Variants in BRCA1 observed in about 807,000 individuals in gnomAD.
BRCA1 encodes breast cancer type 1 susceptibility protein.
In BRCA1, 140 loss-of-function variants were observed where a neutral mutation model predicts 173.7. That is an observed-to-expected ratio of 0.81 (90% CI 0.70 to 0.93). The LOEUF is 0.93. BRCA1 is among the 40% of genes least tolerant of loss of function. The probability of loss-of-function intolerance (pLI) is 0.00; values close to 1 mark genes in which losing one functional copy is unlikely to be tolerated. For synonymous variants in BRCA1, 662 were observed against 756.0 expected (o/e 0.88, Z 2.04); for missense variants, 1,983 against 2,172.5 (o/e 0.91, Z 1.73).
chr17:43,054,040 G>A (rs777209959), intron 19 of BRCA1, among the ~76,000 whole-genome samples: 192 of 151,910 alleles, frequency 1.3e-3, no homozygotes, highest in Non-Finnish European at 2.5e-3. Context: ...AAAATACTAT[G>A]GTGACATTTA....
chr17:43,152,599 A>C (rs2056169213), intron 1 of BRCA1, among the ~76,000 whole-genome samples: 1 of 151,406 alleles, frequency 6.6e-6, no homozygotes, highest in African/African-American at 2.4e-5. Flanking sequence ...TCACACCTGT[A>C]ATCCCAGCAC....
intron 2 of BRCA1, among the ~76,000 whole-genome samples, chr17:43,123,363 T>G (rs965767611): frequency 2.0e-5 from 3 of 147,714 alleles, no homozygotes; most frequent in East Asian, 2.0e-4. Context: ...TTTTTTTTTT[T>G]TTTTTTTTTT....
At chr17:43,132,763 T>G (rs1226471598) in intron 1 of BRCA1, 1 of 151,108 alleles carries the variant, frequency 6.6e-6, no homozygotes, top group Non-Finnish European at 1.5e-5. Flanking sequence ...TTTCTTTATT[T>G]TATTTTATTT....
intron 20 of BRCA1, among the ~76,000 whole-genome samples, chr17:43,050,716 A>C (rs2051173500): frequency 6.6e-6 from 1 of 151,318 alleles, no homozygotes. Flanking sequence ...GTAAATTAAG[A>C]TGGTTTAGGA....
rs369394098 is a variant in BRCA1, at chr17:43,094,236, A to G, written c.1295T>C (p.Leu432Pro). 1.2e-6 allele frequency: 2 copies of G among 1,614,136 alleles called. No homozygotes were observed. Among genetic ancestry groups the G allele is most frequent in the East Asian group, 4.5e-5 (2 of 44,882 alleles). The change falls in exon 10 of 23, where the codon CTG becomes CCG. Residue 432 changes from leucine (L) to proline (P), a missense_variant. Leu to Pro is a moderately conservative substitution (Grantham distance 98, BLOSUM62 -3). Transcript: ENST00000357654. ...YSGSSEKIDL[L>P]ASDPHEALIC... is the part of the protein sequence containing the mutation. Reference sequence around the variant, plus strand: ...TAAAGCCTCATGAGGATCACTGGCCAGTAAGTCTATTTTCTCTGAAGAACC... The same window carrying G: ...TAAAGCCTCATGAGGATCACTGGCCGGTAAGTCTATTTTCTCTGAAGAACC...
intron 2 of BRCA1, among the ~76,000 whole-genome samples, chr17:43,117,663 G>A (rs1159046954): frequency 2.0e-5 from 3 of 152,158 alleles, no homozygotes; most frequent in South Asian, 2.1e-4. Flanking sequence ...CGCTTGAACC[G>A]GGGAAGTGCA....
At chr17:43,068,504 A>G (rs1385131409) in intron 15 of BRCA1, among the ~76,000 whole-genome samples, 1 of 151,602 alleles carries the variant, frequency 6.6e-6, no homozygotes, top group Non-Finnish European at 1.5e-5. Flanking sequence ...TGAGCTCAAG[A>G]GTCTGAGACC....
chr17:43,140,965 T>C (rs865872206), intron 1 of BRCA1, among the ~76,000 whole-genome samples: 96 of 152,374 alleles, frequency 6.3e-4, no homozygotes, highest in African/African-American at 2.2e-3. Context: ...TTCATTGGAA[T>C]CAGAATTTTC....
intron 20 of BRCA1, among the ~76,000 whole-genome samples, chr17:43,049,442 C>G (rs1197977903): frequency 6.6e-6 from 1 of 152,080 alleles, no homozygotes; most frequent in Non-Finnish European, 1.5e-5. Context: ...TTGATAGTCT[C>G]TCAAATAAAA....
At chr17:43,149,959 TTG>T (rs1247533360) in intron 1 of BRCA1, among the ~76,000 whole-genome samples, 1 of 151,948 alleles carries the variant, frequency 6.6e-6, no homozygotes, top group African/African-American at 2.4e-5. Context: ...TAGCTAATTT[TTG>T]TGTTTTTAAT....
rs780157871 is a variant in BRCA1 at position 43,124,088 on chromosome 17, T to C, written c.9A>G (p.Leu3=). MD[L]SALRVEEVQN... ...GTACTTCTTCAACGCGAAGAGCAGA[T>C]AAATCCATTTCTTTCTGTTCCAATG... The change falls in exon 2 of 23, where the codon TTA becomes TTG. Residue 3 remains leucine, a synonymous_variant. Transcript: ENST00000357654. 1.9e-6 allele frequency: 3 copies of C among 1,612,946 alleles called. No individual in the cohort carries two copies. Among genetic ancestry groups the C allele is most frequent in the East Asian group, 2.2e-5 (1 of 44,840 alleles).
intron 2 of BRCA1, among the ~76,000 whole-genome samples, chr17:43,118,300 T>A (rs2055387785): frequency 6.6e-6 from 1 of 152,182 alleles, no homozygotes; most frequent in Admixed American, 6.5e-5. Flanking sequence ...AGGGAAAGAC[T>A]ATCAGAGAGG....
chr17:43,097,167 A>G (rs907296772), intron 8 of BRCA1, 77 bp downstream of exon 8: 108 of 1,391,008 alleles, frequency 7.8e-5, no homozygotes, highest in Non-Finnish European at 1.0e-4. Flanking sequence ...ATTTTTAAAA[A>G]GAGAGAAACA....
intron 15 of BRCA1, 108 bp from the exon 16 acceptor site, chr17:43,067,803 G>T: frequency 1.4e-6 from 1 of 726,462 alleles, no homozygotes; most frequent in Admixed American, 2.3e-5. Context: ...AATCCTGCAC[G>T]TTCTACACGT....
intron 14 of BRCA1, among the ~76,000 whole-genome samples, chr17:43,072,650 T>C (rs970115238): frequency 6.7e-6 from 1 of 149,480 alleles, no homozygotes; most frequent in Non-Finnish European, 1.5e-5. Flanking sequence ...CTGAAACCTC[T>C]GCCTCCCAGG....
At chr17:43,139,038 CTAGAG>C in intron 1 of BRCA1, 2 of 734,546 alleles carry the variant, frequency 2.7e-6, no homozygotes, top group South Asian at 2.9e-5. Context: ...TTTGAAATAT[CTAGAG>C]TAATTTCTGT....
intron 3 of BRCA1, among the ~76,000 whole-genome samples, chr17:43,111,878 A>G (rs769337190): frequency 2.0e-5 from 3 of 152,178 alleles, no homozygotes; most frequent in Non-Finnish European, 4.4e-5. Flanking sequence ...AAAAGATTTC[A>G]GAACTTTAGG....
At chr17:43,145,279 C>G (rs1350668737) in intron 1 of BRCA1, 1 of 648,778 alleles carries the variant, frequency 1.5e-6, no homozygotes, top group African/African-American at 1.9e-5. Flanking sequence ...CATGTCTTAT[C>G]AGTGGTCCCT....
chr17:43,047,425 A>G (rs1407697876), intron 22 of BRCA1, among the ~76,000 whole-genome samples: 1 of 152,162 alleles, frequency 6.6e-6, no homozygotes, highest in African/African-American at 2.4e-5. Flanking sequence ...TGTGATGAAC[A>G]TTCATATCTT....
Sources: allele counts gnomAD v4.1 joint callset (sites outside exome capture counted in the v4.1 genomes callset), GRCh38; gene constraint gnomAD v4.1.1; transcripts MANE v1.5; gene names NCBI Gene and HGNC (gene_info 2026-07-23, HGNC 2026-07-21).